Variants in CELSR2 observed in about 807,000 individuals in gnomAD.
CELSR2 encodes the protein EGF-like protein 2.
CELSR2 carries 81 observed loss-of-function variants against 251.6 expected under a neutral mutation model. The ratio of observed to expected loss-of-function variants is 0.32; its 90% confidence interval spans 0.27 to 0.39. The LOEUF (loss-of-function observed/expected upper bound fraction) is 0.39, where lower values mean the gene tolerates loss of function less well. CELSR2 is among the 10% of genes least tolerant of loss of function. The pLI, the probability that CELSR2 is intolerant of heterozygous loss-of-function variation, is 1.00. For missense variants in CELSR2, 3,365 were observed against 3,947.7 expected (o/e 0.85, Z 3.96); for synonymous variants, 1,721 against 1,670.5 (o/e 1.03, Z -0.74).
Position 109,267,533 on chromosome 1 carries a change from G to T in CELSR2, c.6014-15G>T. ...TGTCTCCCTGAGGCCGGCCCTTTTG[G>T]CTTCCTTCCCCCAGGGACTGCTGTG... On this transcript the variant is annotated splice_polypyrimidine_tract_variant and intron_variant, in intron 15 of 33. Coordinates refer to ENST00000271332, the MANE Select transcript of CELSR2 (RefSeq NM_001408.3). 6.2e-7 allele frequency: 1 copy of T among 1,611,742 alleles called. No homozygotes were observed. The highest frequency in any genetic ancestry group is 1.1e-5 in the South Asian group (1 of 90,886).
rs201989881 is a variant in CELSR2, at chr1:109,270,054, G to A, written c.7229G>A (p.Gly2410Asp). The change falls in exon 23 of 34, where the codon GGC becomes GAC. Residue 2410 changes from glycine (G) to aspartate (D), a missense_variant. By Grantham distance (94) the Gly-to-Asp change is moderately conservative. Transcript: ENST00000271332. ...CGTATCCTGCGCTCCAACCAACACG[G>A]CATCCGACGTAACCTGACAGCTGCC... Reference protein sequence around the residue: ...LLRILRSNQHGIRRNLTAALG... With the variant: ...LLRILRSNQHDIRRNLTAALG... The A allele has an allele frequency of 1.2e-6, 2 of 1,614,062 alleles. No homozygotes were observed. Among genetic ancestry groups the A allele is most frequent in the Admixed American group, 1.7e-5 (1 of 60,006 alleles).
Position 109,261,999 on chromosome 1 carries a change from C to A in CELSR2, c.4386+103C>A. ...CCAGGCTTGGGTGGGCTGGTCAGGG[C>A]ATTTCTGGCTGAGAGGAAGGGAGCG... On this transcript the variant is annotated intron_variant, in intron 5 of 33. Coordinates refer to ENST00000271332, the MANE Select transcript of CELSR2 (RefSeq NM_001408.3). The surrounding 1 kb of genome is among the most constrained non-coding windows in gnomAD (Gnocchi z 4.8). 1 of 1,296,098 alleles carries A rather than the reference C, an allele frequency of 7.7e-7. No homozygotes were observed. The highest frequency in any genetic ancestry group is 1.1e-6 in the Non-Finnish European group (1 of 918,960). 80.3% of individuals were successfully genotyped at this position (1,296,098 alleles called of 1,614,324 possible).
At chr1:109,260,942 G>T in intron 2 of CELSR2, 100 bp from the exon 3 acceptor site, 1 of 863,976 alleles carries the variant, frequency 1.2e-6, no homozygotes. Context: ...TATTACGAGG[G>T]TCACGGGAGG....
At chr1:109,266,400 GTT>G in intron 15 of CELSR2, 194 bp downstream of exon 15, 1 of 631,264 alleles carries the variant, frequency 1.6e-6, no homozygotes, top group Non-Finnish European at 2.6e-6. Flanking sequence ...ATCTTGGACT[GTT>G]TTGTTTTGTT....
In CELSR2 at chr1:109,261,592, G is replaced by T. The variant is rs1208849882; in HGVS notation, c.4261G>T (p.Val1421Leu). 1 of 1,614,058 alleles carries T rather than the reference G, an allele frequency of 6.2e-7. No homozygotes were observed. The highest frequency in any genetic ancestry group is 8.5e-7 in the Non-Finnish European group (1 of 1,180,018). The stretch of plus-strand genomic sequence containing the variant: ...GAAGCATGACTTTGTGGCCCTCGAG[G>T]TGATCCAGGAGCAGGTCCAGCTCAC... The part of the protein sequence containing the change: ...NEKHDFVALE[V>L]IQEQVQLTFS... The change falls in exon 4 of 34, where the codon GTG (valine) becomes TTG (leucine). Residue 1421 changes from valine to leucine, a missense_variant. Around this residue, in one of 5 missense-constraint regions of CELSR2, gnomAD observed 2,093 missense variants for 2,382.8 expected, o/e 0.88. Transcript: ENST00000271332. This position sits in a 1 kb window ranked among gnomAD's most constrained non-coding sequence, Gnocchi z 4.8.
Position 109,252,080 on chromosome 1 carries a change from A to G in CELSR2, c.2001A>G (p.Val667=), listed in dbSNP as rs768661744. ...CCAGCCAAAGTGGTGGTGGGCTGGTATCCCTTGCCCTGCCACTGGACTACA... is the reference window on the plus strand; with the variant it reads ...CCAGCCAAAGTGGTGGTGGGCTGGTGTCCCTTGCCCTGCCACTGGACTACA... ...SITSQSGGGL[V]SLALPLDYKL... is the part of the protein sequence containing the mutation. The change falls in exon 1 of 34, where the codon GTA becomes GTG. Residue 667 remains valine, a synonymous_variant. Transcript: ENST00000271332. This position sits in a 1 kb window ranked among gnomAD's most constrained non-coding sequence, Gnocchi z 4.8. 52 of 1,613,930 alleles carry G rather than the reference A, an allele frequency of 3.2e-5. No individual in the cohort carries two copies. In the Middle Eastern group the frequency reaches 4.9e-4, roughly 15 times the overall value.
chr1:109,266,198 G>A lies in CELSR2; in HGVS notation c.6005G>A (p.Gly2002Asp), dbSNP rs746541428. 6.2e-6 allele frequency: 10 copies of A among 1,613,902 alleles called. No individual in the cohort carries two copies. In the Admixed American group the frequency reaches 8.3e-5, roughly 13 times the overall value. ...GLPAAAPCPK[G>D]SFGTAVRHCD... ...CCTGCTGCTGCTCCCTGTCCCAAAG[G>A]CTCCTTTGGTAGGTGTTGGAGGCCC... is the stretch of plus-strand genomic sequence containing the variant. The change falls in exon 15 of 34, where the codon GGC becomes GAC. Residue 2002 changes from glycine (G) to aspartate (D), a missense_variant. Transcript: ENST00000271332.
rs199794652 is a variant in CELSR2, at chr1:109,271,582, C to G, written c.7804-18C>G. 292 of 1,614,144 alleles carry G rather than the reference C, an allele frequency of 1.8e-4. No individual in the cohort carries two copies. The highest frequency in any genetic ancestry group is 1.9e-5 in the Non-Finnish European group (22 of 1,180,038). ...ATGCCTGAATATGCACAGACCGTTG[C>G]TGCCTCTTGCCTGCCAGGGCCCCTT... On this transcript the variant is annotated intron_variant, in intron 27 of 33. Coordinates refer to ENST00000271332, the MANE Select transcript of CELSR2 (RefSeq NM_001408.3).
Position 109,269,497 on chromosome 1 carries a change from C to T in CELSR2, c.6886C>T (p.Arg2296Trp), listed in dbSNP as rs377326489. ...SVHDDEELLP[R>W]ALDKPVTVQF... ...CCATGATGATGAGGAGCTTCTGCCC[C>T]GGGCCCTGGACAAACCCGTCACGGT... Residue 2296 changes from arginine to tryptophan, a missense_variant, in exon 21 of 34, where the codon CGG (arginine) becomes TGG (tryptophan). Arg to Trp is a moderately radical substitution (Grantham distance 101). This residue lies in a region of CELSR2 where 2,093 missense variants were observed against 2,382.8 expected (regional missense o/e 0.88). Transcript: ENST00000271332. The surrounding 1 kb of genome is among the most constrained non-coding windows in gnomAD (Gnocchi z 6.4). 1.2e-5 allele frequency: 19 copies of T among 1,614,098 alleles called. No individual in the cohort carries two copies. The African/African-American group carries it at 1.2e-4, about 10-fold the overall frequency.
intron 1 of CELSR2, among the ~76,000 whole-genome samples, 192 bp from the exon 2 acceptor site, chr1:109,258,240 T>G (rs1007041770): frequency 3.3e-5 from 5 of 152,094 alleles, no homozygotes; most frequent in African/African-American, 1.2e-4. Flanking sequence ...CAGAAGGTTT[T>G]GGGAAAGGAT....
Position 109,262,900 on chromosome 1 carries a change from C to T in CELSR2, c.4639C>T (p.Arg1547Trp), listed in dbSNP as rs755825894. The T allele has an allele frequency of 6.8e-6, 11 of 1,613,814 alleles. No individual in the cohort carries two copies. Among genetic ancestry groups the T allele is most frequent in the South Asian group, 1.1e-5 (1 of 91,080 alleles). ...VRMRQFVGCM[R>W]NLQVDSRHID... Reference sequence around the variant, plus strand: ...AATGCGGCAGTTCGTGGGCTGCATGCGGAACCTGCAGGTGGACAGCCGGCA... The same window carrying T: ...AATGCGGCAGTTCGTGGGCTGCATGTGGAACCTGCAGGTGGACAGCCGGCA... The change falls in exon 7 of 34, where the codon CGG becomes TGG. Residue 1547 changes from arginine to tryptophan, a missense_variant. Around this residue, in one of 5 missense-constraint regions of CELSR2, gnomAD observed 2,093 missense variants for 2,382.8 expected, o/e 0.88. Coordinates refer to ENST00000271332, the MANE Select transcript of CELSR2 (RefSeq NM_001408.3).
In CELSR2 at chr1:109,267,551, C is replaced by T; in HGVS notation, c.6017C>T (p.Thr2006Ile). 1 of 1,613,770 alleles carries T rather than the reference C, an allele frequency of 6.2e-7. No individual in the cohort carries two copies. The highest frequency in any genetic ancestry group is 8.5e-7 in the Non-Finnish European group (1 of 1,179,818). Residue 2006 changes from threonine to isoleucine, a missense_variant, in exon 16 of 34, where the codon ACT becomes ATT. Physicochemically the swap from Thr to Ile is moderately conservative, Grantham distance 89. This residue lies in a region of CELSR2 where 2,093 missense variants were observed against 2,382.8 expected (regional missense o/e 0.88). Transcript: ENST00000271332. ...CCTTTTGGCTTCCTTCCCCCAGGGA[C>T]TGCTGTGCGCCACTGTGATGAGCAC... Reference protein sequence around the residue: ...AAPCPKGSFGTAVRHCDEHRG... With the variant: ...AAPCPKGSFGIAVRHCDEHRG...
intron 2 of CELSR2, among the ~76,000 whole-genome samples, chr1:109,259,871 C>T (rs1346870867): frequency 6.6e-6 from 1 of 152,120 alleles, no homozygotes; most frequent in Admixed American, 6.5e-5. Context: ...CTGGGATGCT[C>T]ACTGTCTCTG....
rs1331009922 is a variant in CELSR2 at position 109,271,595 on chromosome 1, G to T, written c.7804-5G>T. 1 of 1,614,138 alleles carries T rather than the reference G, an allele frequency of 6.2e-7. No individual in the cohort carries two copies. On this transcript the variant is annotated splice_region_variant and splice_polypyrimidine_tract_variant and intron_variant, in intron 27 of 33. Coordinates refer to ENST00000271332, the MANE Select transcript of CELSR2 (RefSeq NM_001408.3). Reference sequence around the variant, plus strand: ...CACAGACCGTTGCTGCCTCTTGCCTGCCAGGGCCCCTTCATCTTCCTCTCC... The same window carrying T: ...CACAGACCGTTGCTGCCTCTTGCCTTCCAGGGCCCCTTCATCTTCCTCTCC...
In CELSR2 at chr1:109,252,460, A is replaced by G. The variant is rs1064797116; in HGVS notation, c.2381A>G (p.Gln794Arg). ...AITARDNGIP[Q>R]KSDTTYLEIL... ...ACTGCTCGGGACAATGGCATTCCCC[A>G]GAAGTCCGACACCACCTACCTGGAG... Residue 794 changes from glutamine to arginine, a missense_variant, in exon 1 of 34, where the codon CAG becomes CGG. Gln to Arg is a conservative substitution (Grantham distance 43, BLOSUM62 1). Transcript: ENST00000271332. The surrounding 1 kb of genome is among the most constrained non-coding windows in gnomAD (Gnocchi z 4.8). 4 of 1,613,824 alleles carry G rather than the reference A, an allele frequency of 2.5e-6. No homozygotes were observed. Among genetic ancestry groups the G allele is most frequent in the Non-Finnish European group, 2.5e-6 (3 of 1,180,024 alleles).
At chr1:109,259,620 G>A (rs540671854) in intron 2 of CELSR2, among the ~76,000 whole-genome samples, 1 of 152,286 alleles carries the variant, frequency 6.6e-6, no homozygotes, top group South Asian at 2.1e-4. Flanking sequence ...CCCCCACTGA[G>A]CGAGTTCCTT....
Position 109,261,612 on chromosome 1 carries a change from G to A in CELSR2, c.4281G>A (p.Gln1427=), listed in dbSNP as rs1447643786. 1 of 1,613,930 alleles carries A rather than the reference G, an allele frequency of 6.2e-7. No homozygotes were observed. The highest frequency in any genetic ancestry group is 8.5e-7 in the Non-Finnish European group (1 of 1,179,804). ...TCGAGGTGATCCAGGAGCAGGTCCAGCTCACCTTCTCTGCAGGTGATCACA... is the reference window on the plus strand; with the variant it reads ...TCGAGGTGATCCAGGAGCAGGTCCAACTCACCTTCTCTGCAGGTGATCACA... ...VALEVIQEQV[Q]LTFSAGESTT... Residue 1427 remains glutamine (Q), a synonymous_variant, in exon 4 of 34, where the codon CAG becomes CAA. Coordinates refer to ENST00000271332, the MANE Select transcript of CELSR2 (RefSeq NM_001408.3). The surrounding 1 kb of genome is among the most constrained non-coding windows in gnomAD (Gnocchi z 4.8).
At position 109,251,072 on chromosome 1, in the gene CELSR2, G is replaced by T; in HGVS notation, c.993G>T (p.Gly331=). 1 of 1,613,500 alleles carries T rather than the reference G, an allele frequency of 6.2e-7. No individual in the cohort carries two copies. Among genetic ancestry groups the T allele is most frequent in the South Asian group, 1.1e-5 (1 of 91,058 alleles). Residue 331 remains glycine (G), a synonymous_variant, in exon 1 of 34, where the codon GGG becomes GGT. Transcript: ENST00000271332. The surrounding 1 kb of genome is among the most constrained non-coding windows in gnomAD (Gnocchi z 4.9). ...ATATTCTGTACCGCCTGCTGGAGGGGTCTGGGGGCAGCCCCTCTGAAGTCT... is the reference window on the plus strand; with the variant it reads ...ATATTCTGTACCGCCTGCTGGAGGGTTCTGGGGGCAGCCCCTCTGAAGTCT... ...NANILYRLLE[G]SGGSPSEVFE... is the part of the protein sequence containing the mutation.
At position 109,275,148 on chromosome 1, in the gene CELSR2, T is replaced by TC. The variant is rs1195526815; in HGVS notation, c.*1103dup. 1 of 152,478 alleles carries TC rather than the reference T, an allele frequency of 6.6e-6. No individual in the cohort carries two copies. Among genetic ancestry groups the TC allele is most frequent in the Non-Finnish European group, 1.5e-5 (1 of 68,062 alleles). 9.4% of individuals were successfully genotyped at this position (152,478 alleles called of 1,614,324 possible). On this transcript the variant is annotated 3_prime_UTR_variant, in exon 34 of 34. Coordinates refer to ENST00000271332, the MANE Select transcript of CELSR2 (RefSeq NM_001408.3). The stretch of plus-strand genomic sequence containing the variant: ...AAGGACCAGGTCCTGTTCCTCTTTC[T>TC]CCCCGACTCCACCCCAGCTCCCTGT...
Sources: gnomAD v4.1 joint callset for allele counts (sites outside exome capture counted in the v4.1 genomes callset) on GRCh38, gnomAD v4.1.1 for gene constraint, gnomAD v4.1.1 regional missense constraint, Gnocchi (gnomAD v3.1) non-coding constraint, MANE v1.5 for transcripts, NCBI Gene and HGNC (gene_info 2026-07-23, HGNC 2026-07-21) for gene names.